PTPN13: variants seen among roughly 807,000 people sequenced by gnomAD.
The protein encoded by PTPN13 is tyrosine-protein phosphatase non-receptor type 13.
Under a neutral mutation model 284.0 loss-of-function variants are expected in PTPN13, and 191 were observed. The ratio of observed to expected loss-of-function variants is 0.67; its 90% CI spans 0.60 to 0.76. PTPN13 has a LOEUF of 0.76. PTPN13 is among the 30% of genes least tolerant of loss of function. The probability of loss-of-function intolerance (pLI) is 0.00; values close to 1 mark genes in which losing one functional copy is unlikely to be tolerated. For synonymous variants in PTPN13, 986 were observed against 1,022.3 expected (o/e 0.96, Z 0.68); for missense variants, 2,797 against 2,939.9 (o/e 0.95, Z 1.12).
intron 1 of PTPN13, among the ~76,000 whole-genome samples, chr4:86,625,028 G>C: frequency 6.6e-6 from 1 of 152,066 alleles, no homozygotes; most frequent in East Asian, 1.9e-4. Context: ...GAGGCCATTA[G>C]ACAAGAAGTC....
rs201697573 is a variant in PTPN13, at chr4:86,635,263, G to A, written c.7G>A (p.Val3Met). Residue 3 changes from valine to methionine, a missense_variant, in exon 2 of 48, where the codon GTG becomes ATG. By Grantham distance (21) the Val-to-Met change is conservative. Coordinates refer to ENST00000411767, the MANE Select transcript of PTPN13 (RefSeq NM_080683.3). MH[V>M]SLAEALEVRG... ...CCTTTGTTTCCCAGGTAATATGCAC[G>A]TGTCACTAGCTGAGGCCCTGGAGGT... 9.6e-5 allele frequency: 154 copies of A among 1,599,560 alleles called. No individual in the cohort carries two copies. In the East Asian group the frequency reaches 1.1e-3, roughly 12 times the overall value.
At chr4:86,796,199 C>T (rs1259130623) in intron 40 of PTPN13, among the ~76,000 whole-genome samples, 2 of 152,114 alleles carry the variant, frequency 1.3e-5, no homozygotes, top group Non-Finnish European at 2.9e-5. Context: ...TTTGAAACTA[C>T]TAAGATTTTC....
chr4:86,725,598 T>C lies in PTPN13; in HGVS notation c.1608+3164T>C, dbSNP rs564976597. On this transcript the variant is annotated intron_variant, in intron 10 of 47. Coordinates refer to ENST00000411767, the MANE Select transcript of PTPN13 (RefSeq NM_080683.3). ...GATGAGCATTTTTTCATGTGTCTGT[T>C]GGCTGCATAAATGTCTTCTTTTGAG... is the stretch of plus-strand genomic sequence containing the variant. Among the ~76,000 whole-genome samples, 108 of 149,978 alleles carry C rather than the reference T, an allele frequency of 7.2e-4. 4 individuals are homozygous for C. Among genetic ancestry groups the C allele is most frequent in the African/African-American group, 2.6e-3 (107 of 41,204 alleles).
At chr4:86,721,660 TA>T (rs545317724) in intron 9 of PTPN13, among the ~76,000 whole-genome samples, 31 of 151,426 alleles carry the variant, frequency 2.0e-4, no homozygotes, top group Admixed American at 5.9e-4. Context: ...ACAAAGATCA[TA>T]TATGTATTTC....
chr4:86,778,803 A>C (rs959666990), intron 35 of PTPN13, among the ~76,000 whole-genome samples: 1 of 152,110 alleles, frequency 6.6e-6, no homozygotes, highest in Non-Finnish European at 1.5e-5. Context: ...TTTTAACGAG[A>C]AAAACACACA....
Position 86,774,402 on chromosome 4 carries a change from A to G in PTPN13, c.5379A>G (p.Lys1793=), listed in dbSNP as rs1351361446. 6.2e-7 allele frequency: 1 copy of G among 1,607,438 alleles called. No homozygotes were observed. The highest frequency in any genetic ancestry group is 1.3e-5 in the African/African-American group (1 of 74,854). ...LEVELLITLI[K]SEKGSLGFTV... is the part of the protein sequence containing the mutation. ...TAGAACTCCTCATTACCCTAATTAA[A>G]TCAGAAAAAGGAAGCCTGGGTTTTA... Residue 1793 remains lysine (K), a synonymous_variant, in exon 33 of 48, where the codon AAA becomes AAG. Transcript: ENST00000411767.
At position 86,716,216 on chromosome 4, in the gene PTPN13, T is replaced by G. The variant is rs1018839799; in HGVS notation, c.1196-314T>G. ...TTAATTCTCACAACCTTATGCGATG[T>G]GCACTATTATTATACCCCCTCTTTG... On this transcript the variant is annotated intron_variant, in intron 7 of 47. Coordinates refer to ENST00000411767, the MANE Select transcript of PTPN13 (RefSeq NM_080683.3). Among the ~76,000 whole-genome samples the G allele has an allele frequency of 3.3e-5, 5 of 152,320 alleles. No individual in the cohort carries two copies. In the East Asian group the frequency reaches 9.7e-4, roughly 29 times the overall value.
chr4:86,758,389 G>A, intron 21 of PTPN13, 40 bp downstream of exon 21: 2 of 1,477,986 alleles, frequency 1.4e-6, no homozygotes, highest in Non-Finnish European at 1.9e-6. Context: ...ATGATTGTTG[G>A]GGATTCAGAG....
At chr4:86,693,095 A>G (rs1216520766) in intron 5 of PTPN13, among the ~76,000 whole-genome samples, 1 of 141,996 alleles carries the variant, frequency 7.0e-6, no homozygotes, top group Non-Finnish European at 1.5e-5. Flanking sequence ...AAAAAAAAAG[A>G]CTTAGCATTT....
intron 44 of PTPN13, 97 bp downstream of exon 44, chr4:86,805,466 G>A (rs568530266): frequency 7.8e-5 from 43 of 554,738 alleles, no homozygotes; most frequent in African/African-American, 5.3e-4. Context: ...TCACATAACC[G>A]TGTGCATGTG....
intron 15 of PTPN13, among the ~76,000 whole-genome samples, chr4:86,740,308 C>T (rs1038245828): frequency 6.6e-6 from 1 of 152,194 alleles, no homozygotes; most frequent in African/African-American, 2.4e-5. Flanking sequence ...TTCCATACAT[C>T]CTCTGAAATC....
At chr4:86,792,565 C>T (rs1194935255) in intron 40 of PTPN13, among the ~76,000 whole-genome samples, 1 of 151,880 alleles carries the variant, frequency 6.6e-6, no homozygotes, top group African/African-American at 2.4e-5. Flanking sequence ...GTCAGATTCA[C>T]CAAGGGTGCA....
At chr4:86,762,667 A>G in intron 23 of PTPN13, 60 bp from the exon 24 acceptor site, 1 of 1,232,600 alleles carries the variant, frequency 8.1e-7, no homozygotes. Context: ...AACATTGTGT[A>G]TGTGTGTAAG....
intron 2 of PTPN13, among the ~76,000 whole-genome samples, chr4:86,649,098 T>C (rs1202169681): frequency 6.6e-6 from 1 of 152,172 alleles, no homozygotes; most frequent in Non-Finnish European, 1.5e-5. Context: ...TTAAGTTGTT[T>C]GTGTTCCTTA....
chr4:86,683,508 A>G (rs1729124616), intron 3 of PTPN13, among the ~76,000 whole-genome samples: 1 of 152,198 alleles, frequency 6.6e-6, no homozygotes, highest in South Asian at 2.1e-4. Context: ...CTGACTGGAA[A>G]GGGCCCACCC....
intron 2 of PTPN13, among the ~76,000 whole-genome samples, chr4:86,648,496 T>C (rs933449870): frequency 1.2e-4 from 18 of 152,196 alleles, no homozygotes; most frequent in African/African-American, 4.3e-4. Flanking sequence ...TTTCTGTACC[T>C]GGCTTGTTTC....
At chr4:86,796,967 G>T in intron 41 of PTPN13, 38 bp downstream of exon 41, 1 of 1,194,990 alleles carries the variant, frequency 8.4e-7, no homozygotes, top group Non-Finnish European at 1.2e-6. Context: ...TAATGCTTCT[G>T]TCTATCTATA....
intron 6 of PTPN13, among the ~76,000 whole-genome samples, chr4:86,699,810 C>A (rs1190561178): frequency 1.3e-5 from 2 of 152,060 alleles, no homozygotes; most frequent in African/African-American, 2.4e-5. Flanking sequence ...GTTCTCTATT[C>A]AATAAAATTT....
Position 86,717,065 on chromosome 4 carries a change from G to A in PTPN13, c.1333G>A (p.Gly445Ser). 6.2e-7 allele frequency: 1 copy of A among 1,613,196 alleles called. No homozygotes were observed. The highest frequency in any genetic ancestry group is 1.1e-5 in the South Asian group (1 of 90,966). The stretch of plus-strand genomic sequence containing the variant: ...CTCAAAGAGGTTTGAATCCAGCAGT[G>A]GTCTCCCAGGGGTAGATGAAACCTT... ...EASKRFESSS[G>S]LPGVDETLSQ... Residue 445 changes from glycine to serine, a missense_variant, in exon 9 of 48, where the codon GGT becomes AGT. Gly to Ser is a moderately conservative substitution (Grantham distance 56). Transcript: ENST00000411767.
Sources: gnomAD v4.1 joint callset for allele counts (sites outside exome capture counted in the v4.1 genomes callset) on GRCh38, gnomAD v4.1.1 for gene constraint, MANE v1.5 for transcripts, NCBI Gene and HGNC (gene_info 2026-07-23, HGNC 2026-07-21) for gene names.